Variants in CZIB observed in about 807,000 individuals in gnomAD.
CZIB encodes CXXC motif containing zinc binding protein.
CZIB carries 26 observed loss-of-function variants against 28.3 expected under a neutral mutation model. The ratio of observed to expected loss-of-function variants is 0.92; its 90% CI spans 0.67 to 1.27. The LOEUF is 1.27. Ranked by LOEUF, CZIB falls within the 50% of genes most tolerant of loss-of-function variation. The pLI, the probability that CZIB is intolerant of heterozygous loss-of-function variation, is 0.00. For missense variants in CZIB, 179 were observed against 197.3 expected (o/e 0.91, Z 0.56); for synonymous variants, 78 against 71.1 (o/e 1.10, Z -0.49).
At chr1:53,215,875 A>G (rs1645468540) in intron 7 of CZIB, 116 bp downstream of exon 7, 1 of 1,042,520 alleles carries the variant, frequency 9.6e-7, no homozygotes, top group East Asian at 2.4e-5. Flanking sequence ...CAGCAAAATC[A>G]CTAACAAAAA....
intron 7 of CZIB, 69 bp from the exon 8 acceptor site, chr1:53,214,805 G>A: frequency 7.6e-7 from 1 of 1,310,546 alleles, no homozygotes; most frequent in East Asian, 2.3e-5. Flanking sequence ...AGAAAACTGG[G>A]ACTTAAAAGG....
intron 6 of CZIB, among the ~76,000 whole-genome samples, chr1:53,216,441 G>A (rs1645474122): frequency 1.3e-5 from 2 of 152,250 alleles, no homozygotes; most frequent in South Asian, 4.1e-4. Flanking sequence ...ACAAATAAAG[G>A]GGGATGAGCA....
rs189510666 is a variant in CZIB, at chr1:53,218,473, C to A, written c.170G>T (p.Gly57Val). 6.2e-7 allele frequency: 1 copy of A among 1,613,998 alleles called. No homozygotes were observed. The highest frequency in any genetic ancestry group is 1.3e-5 in the African/African-American group (1 of 74,928). The change falls in exon 4 of 8, where the codon GGC becomes GTC. Residue 57 changes from glycine (G) to valine (V), a missense_variant. Gly to Val is a moderately radical substitution (Grantham distance 109, BLOSUM62 -3). Transcript: ENST00000294360. ...RLMDSVALKG[G>V]RGSASMVQKC... The stretch of plus-strand genomic sequence containing the variant: ...CTGGACCATGGAAGCACTGCCACGG[C>A]CCCCCTTCAGTGCCACACTGTCCTG...
rs150845780 is a variant in CZIB, at chr1:53,216,677, A to G, written c.339+105T>C. 4.3e-4 allele frequency: 438 copies of G among 1,027,808 alleles called. No individual in the cohort carries two copies. The African/African-American group carries it at 6.3e-3, about 15-fold the overall frequency. The allele number at this position is 1,027,808 out of a possible 1,614,324, so 63.7% of individuals were successfully genotyped here. ...GGGACAATTATTACTACCGCTAGAA[A>G]GGAGAATGTCTAGTCCATGGTATCT... is the stretch of plus-strand genomic sequence containing the variant. On this transcript the variant is annotated intron_variant, in intron 6 of 7. Transcript: ENST00000294360.
intron 1 of CZIB, 28 bp from the exon 2 acceptor site, chr1:53,220,372 T>TCAGCCGTGCCTGCGC (rs2100291966): frequency 6.2e-7 from 1 of 1,607,016 alleles, no homozygotes; most frequent in Non-Finnish European, 8.5e-7. Flanking sequence ...AGCGACTGCG[T>TCAGCCGTGCCTGCGC]CAGCCGTGCC....
chr1:53,217,062 C>G (rs945321465), intron 5 of CZIB: 2 of 531,414 alleles, frequency 3.8e-6, no homozygotes, highest in Non-Finnish European at 6.8e-6. Flanking sequence ...GACATGGAGG[C>G]TGCAGAAGAG....
intron 5 of CZIB, 70 bp from the exon 6 acceptor site, chr1:53,216,929 T>G (rs1645478142): frequency 3.7e-6 from 5 of 1,333,404 alleles, no homozygotes; most frequent in Admixed American, 1.7e-5. Context: ...CCCCTCTCCT[T>G]CCTGCCAAAT....
chr1:53,214,285 T>G lies in CZIB; in HGVS notation c.*374A>C. 1 of 204,198 alleles carries G rather than the reference T, an allele frequency of 4.9e-6. No homozygotes were observed. Among genetic ancestry groups the G allele is most frequent in the Admixed American group, 5.3e-5 (1 of 18,846 alleles). The allele number at this position is 204,198 out of a possible 1,614,324, so 12.6% of individuals were successfully genotyped here. A position where few individuals can be genotyped will look rare whatever the true frequency, so the allele number is the denominator to read the frequency against. ...TTCAGTAAGTTCAGGTAACAGTACGTCACCATTGGCTTCTGGCTCATTGAG... is the reference window on the plus strand; with the variant it reads ...TTCAGTAAGTTCAGGTAACAGTACGGCACCATTGGCTTCTGGCTCATTGAG... On this transcript the variant is annotated 3_prime_UTR_variant, in exon 8 of 8. Transcript: ENST00000294360.
In CZIB at chr1:53,220,615, G is replaced by A. The variant is rs377050382; in HGVS notation, c.-40C>T. The stretch of plus-strand genomic sequence containing the variant: ...CCCGGTGCTGGCTGCGGCCCTTGCC[G>A]TTGCTTTCCGGCGCGTCGTAAAAGG... On this transcript the variant is annotated 5_prime_UTR_variant, in exon 1 of 8. It adds an upstream start codon to the 5' untranslated region. Transcript: ENST00000294360. 6.9e-6 allele frequency: 11 copies of A among 1,590,760 alleles called. No individual in the cohort carries two copies. The highest frequency in any genetic ancestry group is 2.1e-4 in the Middle Eastern group (1 of 4,796).
chr1:53,220,497 T>C, intron 1 of CZIB, 73 bp downstream of exon 1: 1 of 1,596,918 alleles, frequency 6.3e-7, no homozygotes, highest in Non-Finnish European at 8.5e-7. Context: ...CATCTCCTCC[T>C]GGCGCGAGCT....
At chr1:53,214,835 CA>C in intron 7 of CZIB, 99 bp from the exon 8 acceptor site, 1 of 915,188 alleles carries the variant, frequency 1.1e-6, no homozygotes, top group Non-Finnish European at 1.7e-6. Context: ...GGCTCTGACT[CA>C]AATAATCATG....
At position 53,214,390 on chromosome 1, in the gene CZIB, T is replaced by A; in HGVS notation, c.*269A>T. ...CCATCTCCTTAAAAATACTCTTCAT[T>A]TTCCTAAGGAGTGAACTGCTGCTGC... On this transcript the variant is annotated 3_prime_UTR_variant, in exon 8 of 8. Transcript: ENST00000294360. 1 of 408,286 alleles carries A rather than the reference T, an allele frequency of 2.4e-6. No individual in the cohort carries two copies. The highest frequency in any genetic ancestry group is 4.4e-6 in the Non-Finnish European group (1 of 224,814). The allele number at this position is 408,286 out of a possible 1,614,324, so 25.3% of individuals were successfully genotyped here.
chr1:53,220,044 A>G, intron 2 of CZIB: 2 of 545,624 alleles, frequency 3.7e-6, no homozygotes, highest in South Asian at 5.1e-5. Flanking sequence ...GAAATATTTA[A>G]CACAGGGAAG....
intron 2 of CZIB, 84 bp downstream of exon 2, chr1:53,220,177 T>C (rs1645510398): frequency 8.1e-7 from 1 of 1,228,114 alleles, no homozygotes; most frequent in Non-Finnish European, 1.1e-6. Context: ...GTTAAATATT[T>C]TCTCATACTG....
Position 53,218,478 on chromosome 1 carries a change from C to T in CZIB, c.165G>A (p.Lys55=), listed in dbSNP as rs1482225462. 5 of 1,614,186 alleles carry T rather than the reference C, an allele frequency of 3.1e-6. No homozygotes were observed. The highest frequency in any genetic ancestry group is 1.1e-5 in the South Asian group (1 of 91,080). ...YIRLMDSVAL[K]GGRGSASMVQ... ...CCATGGAAGCACTGCCACGGCCCCC[C>T]TTCAGTGCCACACTGTCCTGGCAAA... Residue 55 remains lysine, a synonymous_variant, in exon 4 of 8, where the codon AAG becomes AAA. Coordinates refer to ENST00000294360, the MANE Select transcript of CZIB (RefSeq NM_017887.3).
At chr1:53,218,680 C>T in intron 3 of CZIB, 185 bp from the exon 4 acceptor site, 1 of 796,202 alleles carries the variant, frequency 1.3e-6, no homozygotes, top group Non-Finnish European at 2.0e-6. Flanking sequence ...TGATTTTGAA[C>T]TCTGCCTCAT....
rs955924068 is a variant in CZIB at position 53,220,481 on chromosome 1, T to A, written c.6+89A>T. The A allele has an allele frequency of 4.4e-6, 7 of 1,588,090 alleles. No homozygotes were observed. In the African/African-American group the frequency reaches 8.0e-5, roughly 18 times the overall value. On this transcript the variant is annotated intron_variant, in intron 1 of 7. Coordinates refer to ENST00000294360, the MANE Select transcript of CZIB (RefSeq NM_017887.3). Reference sequence around the variant, plus strand: ...TCCTGCTCCTTCAGCGCGCACCCACTCGCTTCATCTCCTCCTGGCGCGAGC... The same window carrying A: ...TCCTGCTCCTTCAGCGCGCACCCACACGCTTCATCTCCTCCTGGCGCGAGC...
intron 7 of CZIB, among the ~76,000 whole-genome samples, chr1:53,215,193 AGC>A (rs1265126894): frequency 3.9e-5 from 6 of 152,140 alleles, no homozygotes; most frequent in Non-Finnish European, 8.8e-5. Context: ...TACAAAAAAT[AGC>A]CAGGAATGGT....
intron 7 of CZIB, 71 bp from the exon 8 acceptor site, chr1:53,214,807 C>A: frequency 2.4e-6 from 3 of 1,272,172 alleles, no homozygotes; most frequent in Non-Finnish European, 3.4e-6. Context: ...AAAACTGGGA[C>A]TTAAAAGGCC....
Sources: gnomAD v4.1 joint callset for allele counts (sites outside exome capture counted in the v4.1 genomes callset) on GRCh38, gnomAD v4.1.1 for gene constraint, MANE v1.5 for transcripts, NCBI Gene and HGNC (gene_info 2026-07-23, HGNC 2026-07-21) for gene names.